Variants in THSD7B observed in about 807,000 individuals in gnomAD.
THSD7B encodes thrombospondin type 1 domain containing 7B, also known as thrombospondin type-1 domain-containing protein 7B.
In THSD7B, 138 loss-of-function variants were observed where a neutral mutation model predicts 213.6. The ratio of observed to expected loss-of-function variants is 0.65; its 90% CI spans 0.56 to 0.74. The LOEUF (loss-of-function observed/expected upper bound fraction) is 0.74. THSD7B is among the 30% of genes least tolerant of loss of function. THSD7B has a pLI of 0.00. For synonymous variants in THSD7B, 742 were observed against 687.0 expected (o/e 1.08, Z -1.25); for missense variants, 1,931 against 1,991.5 (o/e 0.97, Z 0.58).
intron 11 of THSD7B, among the ~76,000 whole-genome samples, chr2:137,273,038 ACAC>A (rs1682785844): frequency 6.7e-6 from 1 of 149,454 alleles, no homozygotes; most frequent in Admixed American, 6.6e-5. Flanking sequence ...ACACACACAC[ACAC>A]ACACACACAC....
chr2:137,169,007 G>A (rs1240479896), intron 6 of THSD7B, among the ~76,000 whole-genome samples: 1 of 151,662 alleles, frequency 6.6e-6, no homozygotes, highest in Non-Finnish European at 1.5e-5. Context: ...TATAAAGCAC[G>A]GCAGAAACCA....
intron 2 of THSD7B, among the ~76,000 whole-genome samples, chr2:136,913,452 T>C (rs1448327536): frequency 6.6e-6 from 1 of 152,242 alleles, no homozygotes; most frequent in Non-Finnish European, 1.5e-5. Flanking sequence ...GAGCCTAATG[T>C]TAATCCCCAA....
At chr2:137,656,014 C>A (rs544598291) in intron 22 of THSD7B, among the ~76,000 whole-genome samples, 1 of 152,044 alleles carries the variant, frequency 6.6e-6, no homozygotes, top group Admixed American at 6.6e-5. Context: ...CATTGGACAG[C>A]GTTCAAAAAA....
rs780862568 is a variant in THSD7B at position 137,133,085 on chromosome 2, ACTGT to A, written c.1369+17795_1369+17798del. On this transcript the variant is annotated intron_variant, in intron 5 of 27. Transcript: ENST00000409968. Reference sequence around the variant, plus strand: ...AGTATGGTTTCCTTTCTGTGTGGTTACTGTCTATTTAAAAATACTCCGTTGACTT... The same window carrying A: ...AGTATGGTTTCCTTTCTGTGTGGTTACTATTTAAAAATACTCCGTTGACTT... Among the ~76,000 whole-genome samples the A allele has an allele frequency of 7.4e-4, 112 of 152,274 alleles. 1 individual carries two copies. The highest frequency in any genetic ancestry group is 3.4e-3 in the Middle Eastern group (1 of 294).
At chr2:137,441,743 A>C (rs1440806791) in intron 14 of THSD7B, among the ~76,000 whole-genome samples, 1 of 152,090 alleles carries the variant, frequency 6.6e-6, no homozygotes, top group East Asian at 1.9e-4. Flanking sequence ...ATTGACCCAA[A>C]ACAGAATCTC....
Position 137,546,375 on chromosome 2 carries a change from T to A in THSD7B, c.3139-16846T>A, listed in dbSNP as rs1225847622. Among the ~76,000 whole-genome samples, 15 of 44,850 alleles carry A rather than the reference T, an allele frequency of 3.3e-4. 2 individuals are homozygous for A. Among genetic ancestry groups the A allele is most frequent in the Admixed American group, 1.7e-3 (5 of 2,858 alleles). 29.4% of individuals were successfully genotyped at this position (44,850 alleles called of 152,430 possible). A position where few individuals can be genotyped will look rare whatever the true frequency, so the allele number is the denominator to read the frequency against. ...CATATATATATATTATATATATATA[T>A]AATATATATATTATATATATTATAT... On this transcript the variant is annotated intron_variant, in intron 15 of 27. Transcript: ENST00000409968.
intron 12 of THSD7B, among the ~76,000 whole-genome samples, chr2:137,341,120 A>G (rs1684752144): frequency 6.9e-6 from 1 of 145,530 alleles, no homozygotes; most frequent in Non-Finnish European, 1.5e-5. Flanking sequence ...GTTATCTTTT[A>G]TTTTTTTGAG....
At chr2:137,230,856 G>A (rs1681623748) in intron 7 of THSD7B, among the ~76,000 whole-genome samples, 188 bp from the exon 8 acceptor site, 1 of 152,170 alleles carries the variant, frequency 6.6e-6, no homozygotes, top group Non-Finnish European at 1.5e-5. Context: ...TTACAAATGG[G>A]AGTTTTGCTG....
chr2:137,613,592 T>C (rs1189180176), intron 17 of THSD7B, among the ~76,000 whole-genome samples: 2 of 152,186 alleles, frequency 1.3e-5, no homozygotes, highest in Non-Finnish European at 2.9e-5. Flanking sequence ...ACATTAGCTA[T>C]ATAACCTTGA....
chr2:136,835,823 G>T (rs888786279), intron 1 of THSD7B, among the ~76,000 whole-genome samples: 1 of 152,136 alleles, frequency 6.6e-6, no homozygotes, highest in African/African-American at 2.4e-5. Context: ...TGAGTTGTTA[G>T]ATAAAGGACT....
At chr2:136,837,006 A>G (rs1221638114) in intron 1 of THSD7B, among the ~76,000 whole-genome samples, 1 of 152,174 alleles carries the variant, frequency 6.6e-6, no homozygotes, top group African/African-American at 2.4e-5. Flanking sequence ...CTATACTTTC[A>G]AAATATATTC....
intron 12 of THSD7B, among the ~76,000 whole-genome samples, chr2:137,324,305 G>T (rs1017604472): frequency 6.6e-6 from 1 of 151,910 alleles, no homozygotes; most frequent in Non-Finnish European, 1.5e-5. Flanking sequence ...TTAATTAATG[G>T]ATGAAAAAAA....
intron 5 of THSD7B, among the ~76,000 whole-genome samples, chr2:137,132,407 T>A (rs1231451644): frequency 1.3e-5 from 2 of 152,086 alleles, no homozygotes; most frequent in Non-Finnish European, 2.9e-5. Context: ...AGATTTGATT[T>A]CGGGAATGTT....
intron 2 of THSD7B, among the ~76,000 whole-genome samples, chr2:136,992,344 T>G (rs925384144): frequency 6.6e-6 from 1 of 152,236 alleles, no homozygotes; most frequent in Admixed American, 6.5e-5. Context: ...AATTTTGGTT[T>G]TGTGGAAACC....
intron 12 of THSD7B, among the ~76,000 whole-genome samples, chr2:137,359,157 A>T (rs1685199312): frequency 6.6e-6 from 1 of 152,196 alleles, no homozygotes; most frequent in African/African-American, 2.4e-5. Flanking sequence ...ATTGGCTGTG[A>T]CATATCTTCT....
chr2:136,811,171 G>A (rs1252439202), intron 1 of THSD7B, among the ~76,000 whole-genome samples: 2 of 152,150 alleles, frequency 1.3e-5, no homozygotes, highest in Non-Finnish European at 2.9e-5. Flanking sequence ...CCCCACTGCT[G>A]AATCTCCCAG....
chr2:136,858,050 CCA>C (rs1349465606), intron 1 of THSD7B, among the ~76,000 whole-genome samples: 1 of 152,110 alleles, frequency 6.6e-6, no homozygotes, highest in Non-Finnish European at 1.5e-5. Context: ...AGCCTAGTAA[CCA>C]AACTCTTTAT....
At chr2:136,853,638 A>T (rs1259232317) in intron 1 of THSD7B, among the ~76,000 whole-genome samples, 1 of 152,186 alleles carries the variant, frequency 6.6e-6, no homozygotes, top group South Asian at 2.1e-4. Context: ...GTGGGGAGAT[A>T]CTGCCGTATT....
chr2:137,378,154 AG>A (rs1685700740), intron 12 of THSD7B, among the ~76,000 whole-genome samples: 1 of 152,208 alleles, frequency 6.6e-6, no homozygotes, highest in African/African-American at 2.4e-5. Context: ...AACAAAAAAA[AG>A]CCTGGTTGCG....
Sources: allele counts gnomAD v4.1 joint callset (sites outside exome capture counted in the v4.1 genomes callset), GRCh38; gene constraint gnomAD v4.1.1; transcripts MANE v1.5; gene names NCBI Gene and HGNC (gene_info 2026-07-23, HGNC 2026-07-21).